The following ARMH3 variants were observed in gnomAD, a reference collection of about 807,000 sequenced individuals.
ARMH3 encodes armadillo like helical domain containing 3.
In ARMH3, 60 loss-of-function variants were observed where a neutral mutation model predicts 99.1. The ratio of observed to expected loss-of-function variants is 0.61; its 90% confidence interval spans 0.49 to 0.75. ARMH3 has a LOEUF of 0.75. Among genes scored for constraint, ARMH3 ranks in the 30% least tolerant of loss-of-function variants. The probability of loss-of-function intolerance (pLI) is 0.00; values close to 1 mark genes in which losing one functional copy is unlikely to be tolerated. For synonymous variants in ARMH3, 285 were observed against 292.8 expected (o/e 0.97, Z 0.27); for missense variants, 679 against 843.1 (o/e 0.81, Z 2.41).
chr10:101,891,745 G>A (rs1431483222), intron 23 of ARMH3, among the ~76,000 whole-genome samples: 1 of 152,166 alleles, frequency 6.6e-6, no homozygotes, highest in Non-Finnish European at 1.5e-5. Context: ...GGGTATCCAG[G>A]AACTCTGTGG....
chr10:101,912,761 C>T (rs1419470815), intron 23 of ARMH3, among the ~76,000 whole-genome samples: 4 of 152,304 alleles, frequency 2.6e-5, no homozygotes, highest in Admixed American at 6.5e-5. Flanking sequence ...GGGAAAAGCA[C>T]GCAGTCTTTC....
At chr10:101,970,076 C>G (rs1014653663) in intron 20 of ARMH3, among the ~76,000 whole-genome samples, 5 of 152,186 alleles carry the variant, frequency 3.3e-5, no homozygotes, top group African/African-American at 1.2e-4. Flanking sequence ...TCCAATGCCC[C>G]TTCTTCCTGC....
At chr10:101,940,506 G>A (rs1282336809) in intron 22 of ARMH3, among the ~76,000 whole-genome samples, 1 of 151,774 alleles carries the variant, frequency 6.6e-6, no homozygotes, top group Non-Finnish European at 1.5e-5. Context: ...CAACGTGCAG[G>A]TTTGTTACAT....
chr10:101,912,578 T>C (rs11816381), intron 23 of ARMH3, among the ~76,000 whole-genome samples: 2,711 of 152,308 alleles, frequency 0.018, 72 homozygotes, highest in African/African-American at 0.061. Flanking sequence ...GTAGACTCCA[T>C]CAGGTTTTCT....
chr10:101,874,013 T>C (rs1484858599), intron 24 of ARMH3, among the ~76,000 whole-genome samples: 2 of 152,200 alleles, frequency 1.3e-5, no homozygotes, highest in Non-Finnish European at 2.9e-5. Context: ...AGGAGTGTCA[T>C]GATGTATATG....
chr10:102,002,052 G>A lies in ARMH3; in HGVS notation c.1069C>T (p.Pro357Ser), dbSNP rs1333737719. The change falls in exon 15 of 26, where the codon CCA becomes TCA. Residue 357 changes from proline to serine, a missense_variant. Around this residue, in one of 3 missense-constraint regions of ARMH3, gnomAD observed 389 missense variants for 456.5 expected, o/e 0.85. Coordinates refer to ENST00000370033, the MANE Select transcript of ARMH3 (RefSeq NM_024541.3). ...SSDVISSVEL[P>S]LDADVQTSNL... ...CTGGTCTGTACATCTGCATCCAGTGGGAGTTCCACAGAACTTATAACTGGA... is the reference window on the plus strand; with the variant it reads ...CTGGTCTGTACATCTGCATCCAGTGAGAGTTCCACAGAACTTATAACTGGA... The A allele has an allele frequency of 1.2e-6, 2 of 1,614,052 alleles. No individual in the cohort carries two copies. Among genetic ancestry groups the A allele is most frequent in the Non-Finnish European group, 1.7e-6 (2 of 1,180,006 alleles).
chr10:102,010,233 CTAAATCATCTTGCCTAG>C (rs1006037603), intron 11 of ARMH3, among the ~76,000 whole-genome samples: 4 of 152,296 alleles, frequency 2.6e-5, no homozygotes, highest in Non-Finnish European at 4.4e-5. Context: ...GAGAATCCTA[CTAAATCATCTTGCCTAG>C]TAAATCATCT....
In ARMH3 at chr10:101,975,249, C is replaced by T. The variant is rs1266649957; in HGVS notation, c.1458G>A (p.Arg486=). The T allele has an allele frequency of 5.0e-6, 8 of 1,612,520 alleles. No homozygotes were observed. Among genetic ancestry groups the T allele is most frequent in the Non-Finnish European group, 6.8e-6 (8 of 1,179,060 alleles). ...CCCGCCAGGTGTAATGCAGGCGTAC[C>T]CGACACTTCTTCTGGTAGCAGAGCA... ...HKLLCYQKKC[R]VRLHYTWREL... The change falls in exon 20 of 26, where the codon CGG becomes CGA. Residue 486 remains arginine, a synonymous_variant. Coordinates refer to ENST00000370033, the MANE Select transcript of ARMH3 (RefSeq NM_024541.3).
intron 24 of ARMH3, among the ~76,000 whole-genome samples, chr10:101,873,911 C>G (rs2067196682): frequency 6.6e-6 from 1 of 152,216 alleles, no homozygotes; most frequent in African/African-American, 2.4e-5. Context: ...GTTGTTTCTA[C>G]TTTTTGGTCA....
chr10:101,867,123 A>C (rs2067022327), intron 24 of ARMH3, among the ~76,000 whole-genome samples: 3 of 152,210 alleles, frequency 2.0e-5, no homozygotes, highest in Admixed American at 6.5e-5. Flanking sequence ...TTAAGCCCTG[A>C]GTCTTGAAAG....
At chr10:102,052,750 CA>C (rs1229383122) in intron 1 of ARMH3, among the ~76,000 whole-genome samples, 1 of 152,030 alleles carries the variant, frequency 6.6e-6, no homozygotes, top group Admixed American at 6.6e-5. Flanking sequence ...ATAAAATAAA[CA>C]TTTTTTTTTC....
chr10:102,029,506 A>T (rs2067074973), intron 5 of ARMH3, 132 bp downstream of exon 5: 1 of 1,578,608 alleles, frequency 6.3e-7, no homozygotes. Flanking sequence ...AAAAACATCT[A>T]AATGCAAGGC....
At position 101,849,811 on chromosome 10, in the gene ARMH3, C is replaced by T. The variant is rs2066545897; in HGVS notation, c.1942G>A (p.Glu648Lys). 1.9e-6 allele frequency: 3 copies of T among 1,614,198 alleles called. No individual in the cohort carries two copies. Among genetic ancestry groups the T allele is most frequent in the African/African-American group, 2.7e-5 (2 of 75,048 alleles). Residue 648 changes from glutamate (E) to lysine (K), a missense_variant, in exon 25 of 26, where the codon GAG (glutamate) becomes AAG (lysine). By Grantham distance (56) the Glu-to-Lys change is moderately conservative. Transcript: ENST00000370033. ...DGLDQYERYS[E>K]QHKEAAFFKE... ...AAGAAGGCAGCTTCCTTGTGCTGCT[C>T]TGAGTAGCGCTCATACTGGTCCAGG...
chr10:101,873,361 G>A (rs564816099), intron 24 of ARMH3, among the ~76,000 whole-genome samples: 2 of 152,096 alleles, frequency 1.3e-5, no homozygotes, highest in South Asian at 2.1e-4. Flanking sequence ...GCAGTGAGCC[G>A]AGATCGCGCC....
intron 24 of ARMH3, among the ~76,000 whole-genome samples, chr10:101,878,271 T>TA (rs956528250): frequency 1.2e-4 from 18 of 151,910 alleles, no homozygotes; most frequent in African/African-American, 3.9e-4. Flanking sequence ...AATAAATAAA[T>TA]AATAAATAAA....
chr10:101,918,537 T>C (rs1843178575), intron 23 of ARMH3, among the ~76,000 whole-genome samples: 1 of 152,198 alleles, frequency 6.6e-6, no homozygotes, highest in African/African-American at 2.4e-5. Context: ...AAACAGATAG[T>C]ATCCCATCCT....
chr10:102,020,012 G>A (rs923352913), intron 8 of ARMH3, among the ~76,000 whole-genome samples: 1 of 151,468 alleles, frequency 6.6e-6, no homozygotes, highest in Non-Finnish European at 1.5e-5. Context: ...CGTGAGGTCA[G>A]GAGTTTGAGA....
Position 101,989,197 on chromosome 10 carries a change from G to C in ARMH3, c.1406+1354C>G, listed in dbSNP as rs374593473. Among the ~76,000 whole-genome samples, 17 of 152,272 alleles carry C rather than the reference G, an allele frequency of 1.1e-4. No homozygotes were observed. The East Asian group carries it at 2.5e-3, about 22-fold the overall frequency. On this transcript the variant is annotated intron_variant, in intron 19 of 25. Coordinates refer to ENST00000370033, the MANE Select transcript of ARMH3 (RefSeq NM_024541.3). ...TGTTAAAGAGAAGAATGTAGGAGGAGTGGCAAAGGAGAAACAAAACTCTTA... is the reference window on the plus strand; with the variant it reads ...TGTTAAAGAGAAGAATGTAGGAGGACTGGCAAAGGAGAAACAAAACTCTTA...
intron 19 of ARMH3, among the ~76,000 whole-genome samples, chr10:101,976,168 CAAAAAAAAAAAAA>C (rs780547260): frequency 4.3e-5 from 1 of 23,188 alleles, no homozygotes; most frequent in Non-Finnish European, 7.6e-5. Context: ...GACTCTGTCT[CAAAAAAAAAAAAA>C]AAAAAAAAAA....
Sources: gnomAD v4.1 joint callset for allele counts (sites outside exome capture counted in the v4.1 genomes callset) on GRCh38, gnomAD v4.1.1 for gene constraint, gnomAD v4.1.1 regional missense constraint, MANE v1.5 for transcripts, NCBI Gene and HGNC (gene_info 2026-07-23, HGNC 2026-07-21) for gene names.